Variants in DPF3 observed in about 807,000 individuals in gnomAD.
The protein encoded by DPF3 is double PHD fingers 3.
In DPF3, 18 loss-of-function variants were observed where a neutral mutation model predicts 56.8. That is an observed-to-expected ratio of 0.32 (90% confidence interval 0.22 to 0.47). DPF3 has a LOEUF of 0.47. Among genes scored for constraint, DPF3 ranks in the 20% least tolerant of loss-of-function variants. The pLI is 1.00. For missense variants in DPF3, 403 were observed against 488.8 expected, an observed-to-expected ratio of 0.82 and a Z score of 1.65; for synonymous variants, 188 against 180.2, an observed-to-expected ratio of 1.04 and a Z score of -0.35.
rs138028523 is a variant in DPF3 at position 72,889,551 on chromosome 14, G to A, written c.32+4506C>T. Among the ~76,000 whole-genome samples, 25 of 152,168 alleles carry A rather than the reference G, an allele frequency of 1.6e-4. No homozygotes were observed. The East Asian group carries it at 4.2e-3, about 26-fold the overall frequency. ...TACCTACCCACATCCCCCCAACCTC[G>A]ACAGAAAGAGCTAAGAGGAGATTAG... On this transcript the variant is annotated intron_variant, in intron 1 of 10. Transcript: ENST00000556509.
rs865996595 is a variant in DPF3 at position 72,859,479 on chromosome 14, C to T, written c.32+34578G>A. 2.9e-4 allele frequency among the ~76,000 whole-genome samples: 32 copies of T among 110,728 alleles called. 1 individual carries two copies. The highest frequency in any genetic ancestry group is 7.9e-4 in the African/African-American group (24 of 30,200). 72.6% of individuals were successfully genotyped at this position (110,728 alleles called of 152,430 possible). A position where few individuals can be genotyped will look rare whatever the true frequency, so the allele number is the denominator to read the frequency against. On this transcript the variant is annotated intron_variant, in intron 1 of 10. Transcript: ENST00000556509. The stretch of plus-strand genomic sequence containing the variant: ...TTCTCTGCAGCTTCCTCCCCCCCCC[C>T]CCCCACACCATTCCCCCCTAACCTT...
At chr14:72,774,432 G>T (rs1028089696) in intron 1 of DPF3, among the ~76,000 whole-genome samples, 1 of 152,010 alleles carries the variant, frequency 6.6e-6, no homozygotes, top group East Asian at 1.9e-4. Context: ...CAGTGTACAA[G>T]GGTTCCAACT....
In DPF3 at chr14:72,804,973, A is replaced by T. The variant is rs1882686555; in HGVS notation, c.33-33080T>A. ...TAGGCATCAAGCTAGCAACAGAAGG[A>T]AAAAACAAAGCAGTAGTCACTTTCC... On this transcript the variant is annotated intron_variant, in intron 1 of 10. Coordinates refer to ENST00000556509, the MANE Select transcript of DPF3 (RefSeq NM_001280542.3). 2.6e-5 allele frequency among the ~76,000 whole-genome samples: 4 copies of T among 151,872 alleles called. No homozygotes were observed. In the South Asian group the frequency reaches 8.3e-4, roughly 32 times the overall value.
intron 2 of DPF3, among the ~76,000 whole-genome samples, chr14:72,756,963 GGGGGAGAGAGGGAAAGAGGGGGAGAA>G (rs1418404508): frequency 3.2e-5 from 4 of 126,816 alleles, no homozygotes; most frequent in Admixed American, 7.6e-5. Flanking sequence ...GAGGGAAAGA[GGGGGAGAGAGGGAAAGAGGGGGAGAA>G]GGGGAGAGAG....
At chr14:72,870,058 A>G (rs1412293431) in intron 1 of DPF3, among the ~76,000 whole-genome samples, 2 of 152,192 alleles carry the variant, frequency 1.3e-5, no homozygotes, top group African/African-American at 4.8e-5. Flanking sequence ...CAACACATGG[A>G]AAAAACTTTG....
At chr14:72,625,378 G>C (rs531388816) in intron 9 of DPF3, among the ~76,000 whole-genome samples, 1 of 151,796 alleles carries the variant, frequency 6.6e-6, no homozygotes, top group South Asian at 2.1e-4. Context: ...TGGTCATTAC[G>C]GGTTCCTTCA....
intron 1 of DPF3, among the ~76,000 whole-genome samples, chr14:72,848,161 T>G (rs1814577682): frequency 1.3e-5 from 2 of 152,078 alleles, no homozygotes; most frequent in Admixed American, 6.5e-5. Flanking sequence ...TTTTAATTTT[T>G]TTTATTTTTT....
intron 5 of DPF3, among the ~76,000 whole-genome samples, chr14:72,722,107 T>C (rs1472587975): frequency 6.6e-6 from 1 of 152,216 alleles, no homozygotes; most frequent in East Asian, 1.9e-4. Context: ...GATATGATAA[T>C]GATATCTGTT....
At chr14:72,673,978 C>A in intron 8 of DPF3, 1 of 436,046 alleles carries the variant, frequency 2.3e-6, no homozygotes, top group Non-Finnish European at 4.0e-6. Flanking sequence ...AAAACACGCA[C>A]AAAGAAATAT....
intron 7 of DPF3, among the ~76,000 whole-genome samples, chr14:72,677,144 G>T (rs184911660): frequency 6.6e-6 from 1 of 152,320 alleles, no homozygotes; most frequent in African/African-American, 2.4e-5. Flanking sequence ...TATAGGCCCC[G>T]GTATGTGCAG....
chr14:72,658,281 C>T lies in DPF3; in HGVS notation c.871+15959G>A, dbSNP rs533522514. Among the ~76,000 whole-genome samples, 3 of 152,144 alleles carry T rather than the reference C, an allele frequency of 2.0e-5. No homozygotes were observed. The East Asian group carries it at 5.8e-4, about 29-fold the overall frequency. Reference sequence around the variant, plus strand: ...TGTACCCCATAAATATCTACATCTACTATGTATCCACAAAAAATTTAAAAA... The same window carrying T: ...TGTACCCCATAAATATCTACATCTATTATGTATCCACAAAAAATTTAAAAA... On this transcript the variant is annotated intron_variant, in intron 8 of 10. Coordinates refer to ENST00000556509, the MANE Select transcript of DPF3 (RefSeq NM_001280542.3).
intron 7 of DPF3, among the ~76,000 whole-genome samples, chr14:72,688,804 C>T (rs185908064): frequency 2.2e-4 from 34 of 152,262 alleles, no homozygotes; most frequent in African/African-American, 7.7e-4. Flanking sequence ...GCCGAAGAGG[C>T]ACCCAGCCTC....
chr14:72,802,798 G>A (rs963003578), intron 1 of DPF3, among the ~76,000 whole-genome samples: 6 of 152,138 alleles, frequency 3.9e-5, no homozygotes, highest in Non-Finnish European at 5.9e-5. Flanking sequence ...TATTCCTCAC[G>A]GTGAATTCTC....
At chr14:72,622,304 G>C (rs756251269) in intron 9 of DPF3, among the ~76,000 whole-genome samples, 8 of 151,990 alleles carry the variant, frequency 5.3e-5, no homozygotes, top group Non-Finnish European at 8.8e-5. Flanking sequence ...GACAGGCAGA[G>C]AAAAAAAGAC....
At chr14:72,861,055 A>G (rs897170631) in intron 1 of DPF3, among the ~76,000 whole-genome samples, 2 of 148,370 alleles carry the variant, frequency 1.3e-5, no homozygotes, top group Admixed American at 1.3e-4. Context: ...ACACACACAC[A>G]CACACACACA....
At position 72,769,099 on chromosome 14, in the gene DPF3, A is replaced by G. The variant is rs529636335; in HGVS notation, c.193+2634T>C. On this transcript the variant is annotated intron_variant, in intron 2 of 10. Coordinates refer to ENST00000556509, the MANE Select transcript of DPF3 (RefSeq NM_001280542.3). ...AATCTAAATTGAATGGGATGTATCA[A>G]CATAATTTCATAATGTATTTTCTCT... 7.9e-5 allele frequency among the ~76,000 whole-genome samples: 12 copies of G among 152,318 alleles called. No homozygotes were observed. In the East Asian group the frequency reaches 2.3e-3, roughly 29 times the overall value.
At chr14:72,748,929 C>T (rs1162101856) in intron 3 of DPF3, among the ~76,000 whole-genome samples, 1 of 152,224 alleles carries the variant, frequency 6.6e-6, no homozygotes, top group African/African-American at 2.4e-5. Flanking sequence ...GGGTGAGGTC[C>T]TCATGGAGAA....
intron 1 of DPF3, among the ~76,000 whole-genome samples, chr14:72,832,062 T>C (rs1221528176): frequency 1.3e-5 from 2 of 151,812 alleles, no homozygotes; most frequent in East Asian, 3.9e-4. Context: ...AACAAAAAAA[T>C]TAAAAATTGC....
chr14:72,823,585 G>C (rs373792598), intron 1 of DPF3, among the ~76,000 whole-genome samples: 3 of 152,166 alleles, frequency 2.0e-5, no homozygotes, highest in South Asian at 2.1e-4. Flanking sequence ...AGGAGTCAGG[G>C]GAATCTTCCA....
Sources: allele counts gnomAD v4.1 joint callset (sites outside exome capture counted in the v4.1 genomes callset), GRCh38; gene constraint gnomAD v4.1.1; transcripts MANE v1.5; gene names NCBI Gene and HGNC (gene_info 2026-07-23, HGNC 2026-07-21).